The following BPIFC variants were observed in gnomAD, a reference collection of about 807,000 sequenced individuals.
The protein encoded by BPIFC is BPI fold containing family C, also known as BPI fold-containing family C protein.
Under a neutral mutation model 57.6 loss-of-function variants are expected in BPIFC, and 60 were observed. The observed-to-expected ratio is 1.04, with a 90% CI of 0.85 to 1.29. The LOEUF is 1.29. Among genes scored for constraint, BPIFC ranks in the 50% most tolerant of loss-of-function variants. The pLI is 0.00. For missense variants in BPIFC, 581 were observed against 600.5 expected, an observed-to-expected ratio of 0.97 and a Z score of 0.34; for synonymous variants, 243 against 224.5, an observed-to-expected ratio of 1.08 and a Z score of -0.74.
chr22:32,433,785 G>A lies in BPIFC; in HGVS notation c.925-13C>T. On this transcript the variant is annotated splice_polypyrimidine_tract_variant and intron_variant, in intron 10 of 16. Coordinates refer to ENST00000300399, the MANE Select transcript of BPIFC (RefSeq NM_174932.3). Reference sequence around the variant, plus strand: ...AATGGTTGGAAATCTGGAAAATAAAGCCCATTATGTCACTGTTAGGATTTT... The same window carrying A: ...AATGGTTGGAAATCTGGAAAATAAAACCCATTATGTCACTGTTAGGATTTT... The A allele has an allele frequency of 1.2e-6, 2 of 1,611,388 alleles. No homozygotes were observed. Among genetic ancestry groups the A allele is most frequent in the Non-Finnish European group, 1.7e-6 (2 of 1,177,638 alleles).
At position 32,451,883 on chromosome 22, in the gene BPIFC, T is replaced by C. The variant is rs187360837; in HGVS notation, c.245+1500A>G. ...CCACTGGACTTTAAGGGCAGGTATG[T>C]TGTTCACTACAATATCCCCTATTGC... is the stretch of plus-strand genomic sequence containing the variant. On this transcript the variant is annotated intron_variant, in intron 4 of 16. Coordinates refer to ENST00000300399, the MANE Select transcript of BPIFC (RefSeq NM_174932.3). 3.0e-3 allele frequency among the ~76,000 whole-genome samples: 458 copies of C among 152,228 alleles called. 3 individuals are homozygous for C. The highest frequency in any genetic ancestry group is 8.1e-3 in the South Asian group (39 of 4,820).
Position 32,449,820 on chromosome 22 carries a change from C to A in BPIFC, c.246-2480G>T, listed in dbSNP as rs1282899511. 5.9e-5 allele frequency among the ~76,000 whole-genome samples: 9 copies of A among 151,864 alleles called. No homozygotes were observed. The East Asian group carries it at 1.7e-3, about 29-fold the overall frequency. On this transcript the variant is annotated intron_variant, in intron 4 of 16. Coordinates refer to ENST00000300399, the MANE Select transcript of BPIFC (RefSeq NM_174932.3). Reference sequence around the variant, plus strand: ...CATGATCTCGGCTCACTACAAGCTCCGCCTCCCGGGTTCACGCCATTCTCT... The same window carrying A: ...CATGATCTCGGCTCACTACAAGCTCAGCCTCCCGGGTTCACGCCATTCTCT...
chr22:32,421,819 T>A (rs900200114), intron 13 of BPIFC, among the ~76,000 whole-genome samples: 1 of 152,214 alleles, frequency 6.6e-6, no homozygotes, highest in Non-Finnish European at 1.5e-5. Context: ...TTAATTACAA[T>A]TGAGATAAAT....
chr22:32,417,680 G>A (rs139116661), intron 14 of BPIFC, among the ~76,000 whole-genome samples: 2 of 152,226 alleles, frequency 1.3e-5, no homozygotes, highest in African/African-American at 4.8e-5. Context: ...AAATTCAGAG[G>A]GACTACATGG....
At chr22:32,424,595 C>CT (rs1200889304) in intron 13 of BPIFC, among the ~76,000 whole-genome samples, 3 of 92,242 alleles carry the variant, frequency 3.3e-5, no homozygotes, top group South Asian at 3.1e-4. Flanking sequence ...TCTTCTTCTT[C>CT]TTCTTCTCCT....
At chr22:32,422,571 G>A (rs2145914409) in intron 13 of BPIFC, among the ~76,000 whole-genome samples, 1 of 152,192 alleles carries the variant, frequency 6.6e-6, no homozygotes, top group East Asian at 1.9e-4. Context: ...GCCAGGCATG[G>A]TGGCACGTGC....
At chr22:32,419,677 G>A (rs1401224228) in intron 13 of BPIFC, among the ~76,000 whole-genome samples, 1 of 151,824 alleles carries the variant, frequency 6.6e-6, no homozygotes, top group African/African-American at 2.4e-5. Flanking sequence ...ATGGTGACAT[G>A]TGCCTGTAGT....
At chr22:32,434,410 C>T (rs1450344500) in intron 10 of BPIFC, among the ~76,000 whole-genome samples, 1 of 147,354 alleles carries the variant, frequency 6.8e-6, no homozygotes, top group African/African-American at 2.5e-5. Flanking sequence ...TGTACATATT[C>T]TTTATATATA....
chr22:32,443,094 G>T (rs950586683), intron 7 of BPIFC, among the ~76,000 whole-genome samples: 15 of 152,164 alleles, frequency 9.9e-5, no homozygotes, highest in African/African-American at 3.6e-4. Context: ...GACTGCTGGG[G>T]GTGCCGCCAG....
intron 8 of BPIFC, among the ~76,000 whole-genome samples, chr22:32,438,552 T>C (rs1049624975): frequency 1.3e-5 from 2 of 152,028 alleles, no homozygotes; most frequent in Non-Finnish European, 2.9e-5. Context: ...CCACCACACA[T>C]GGCTAATTTT....
intron 13 of BPIFC, 146 bp from the exon 14 acceptor site, chr22:32,419,550 TC>T: frequency 1.3e-6 from 1 of 788,904 alleles, no homozygotes; most frequent in Non-Finnish European, 2.0e-6. Flanking sequence ...ACGCCTGTAA[TC>T]CCAGCATTTT....
chr22:32,441,757 G>A (rs1277855261), intron 8 of BPIFC, among the ~76,000 whole-genome samples: 3 of 152,146 alleles, frequency 2.0e-5, no homozygotes, highest in African/African-American at 7.2e-5. Flanking sequence ...CACTCAATAT[G>A]TATCTGTTAA....
intron 8 of BPIFC, among the ~76,000 whole-genome samples, chr22:32,441,275 T>C (rs1162463121): frequency 6.6e-6 from 1 of 152,206 alleles, no homozygotes; most frequent in Non-Finnish European, 1.5e-5. Context: ...GCTTTCCTGG[T>C]CACTCTATCT....
At chr22:32,432,099 G>A (rs755826899) in intron 12 of BPIFC, among the ~76,000 whole-genome samples, 2 of 151,952 alleles carry the variant, frequency 1.3e-5, no homozygotes, top group Non-Finnish European at 2.9e-5. Context: ...CACCACACCT[G>A]GCTAATTCAA....
chr22:32,424,788 CCTTT>C (rs1476850302), intron 13 of BPIFC, among the ~76,000 whole-genome samples: 1 of 125,536 alleles, frequency 8.0e-6, no homozygotes, highest in Non-Finnish European at 1.7e-5. Context: ...TCTTCTTCTT[CCTTT>C]TTTTTTGAGA....
chr22:32,443,863 T>G (rs539546513), intron 7 of BPIFC, among the ~76,000 whole-genome samples: 193 of 152,300 alleles, frequency 1.3e-3, no homozygotes, highest in African/African-American at 4.4e-3. Context: ...TGTTAGCCGT[T>G]GTTAGTTTAA....
chr22:32,435,771 A>G lies in BPIFC; in HGVS notation c.857T>C (p.Phe286Ser), dbSNP rs1747204451. ...ATGAGCAAAGGACGCAGATTTAAAG[A>G]AATACTCGGCGATTCCAATGTAGAG... ...SMLYIGIAEY[F>S]FKSASFAHFT... is the part of the protein sequence containing the mutation. The change falls in exon 10 of 17, where the codon TTC becomes TCC. Residue 286 changes from phenylalanine (F) to serine (S), a missense_variant. Transcript: ENST00000300399. 3.1e-6 allele frequency: 5 copies of G among 1,614,198 alleles called. No homozygotes were observed. Among genetic ancestry groups the G allele is most frequent in the Non-Finnish European group, 4.2e-6 (5 of 1,180,028 alleles).
intron 4 of BPIFC, among the ~76,000 whole-genome samples, chr22:32,449,336 G>T (rs146601618): frequency 3.3e-5 from 5 of 152,198 alleles, no homozygotes; most frequent in Non-Finnish European, 5.9e-5. Flanking sequence ...CTTCATTTGT[G>T]TATAATTACT....
chr22:32,457,173 G>A (rs1369432398), intron 3 of BPIFC, 90 bp downstream of exon 3: 30 of 1,437,284 alleles, frequency 2.1e-5, no homozygotes, highest in Non-Finnish European at 2.4e-5. Context: ...TTCTCAGTCA[G>A]GAGACAGCCC....
Sources: allele counts gnomAD v4.1 joint callset (sites outside exome capture counted in the v4.1 genomes callset), GRCh38; gene constraint gnomAD v4.1.1; transcripts MANE v1.5; gene names NCBI Gene and HGNC (gene_info 2026-07-23, HGNC 2026-07-21).